The following PSME4 variants were observed in gnomAD, a reference collection of about 807,000 sequenced individuals.
PSME4 encodes proteasome activator complex subunit 4.
Under a neutral mutation model 253.9 loss-of-function variants are expected in PSME4, and 89 were observed. The ratio of observed to expected loss-of-function variants is 0.35; its 90% CI spans 0.30 to 0.42. The LOEUF (loss-of-function observed/expected upper bound fraction) is 0.42, where lower values mean the gene tolerates loss of function less well. PSME4 is among the 10% of genes least tolerant of loss of function. The pLI is 1.00. For synonymous variants in PSME4, 851 were observed against 759.2 expected, an observed-to-expected ratio of 1.12 and a Z score of -1.99; for missense variants, 2,014 against 2,195.2, an observed-to-expected ratio of 0.92 and a Z score of 1.65.
Position 53,928,237 on chromosome 2 carries a change from A to G in PSME4, c.1383T>C (p.Ile461=). 6.2e-7 allele frequency: 1 copy of G among 1,614,184 alleles called. No homozygotes were observed. The highest frequency in any genetic ancestry group is 2.2e-5 in the East Asian group (1 of 44,882). The change falls in exon 11 of 47, where the codon ATT becomes ATC. Residue 461 remains isoleucine (I), a synonymous_variant. Transcript: ENST00000404125. ...HQLTATLSCV[I]GVARSLVSGG... is the part of the protein sequence containing the mutation. ...CTGATACCAAACTGCGGGCTACTCC[A>G]ATTACACAACTTAAAGTAGCTGTGA...
At chr2:53,885,663 G>C in intron 41 of PSME4, 27 bp downstream of exon 41, 1 of 1,521,674 alleles carries the variant, frequency 6.6e-7, no homozygotes, top group Non-Finnish European at 9.1e-7. Context: ...AAAAGGAGAT[G>C]CATTCTTAAT....
rs2104404268 is a variant in PSME4, at chr2:53,864,910, C to T, written c.*668G>A. 6.5e-6 allele frequency: 1 copy of T among 152,700 alleles called. No individual in the cohort carries two copies. The highest frequency in any genetic ancestry group is 2.4e-5 in the African/African-American group (1 of 41,562). The allele number at this position is 152,700 out of a possible 1,614,324, so 9.5% of individuals were successfully genotyped here. A position where few individuals can be genotyped will look rare whatever the true frequency, so the allele number is the denominator to read the frequency against. ...TATTTTTAAAATCACACATTGAATA[C>T]ACACAACAATCAGATTTCTTCACCA... is the stretch of plus-strand genomic sequence containing the variant. On this transcript the variant is annotated 3_prime_UTR_variant, in exon 47 of 47. Transcript: ENST00000404125.
Position 53,925,571 on chromosome 2 carries a change from T to C in PSME4, c.1777A>G (p.Ile593Val), listed in dbSNP as rs572860255. The change falls in exon 14 of 47, where the codon ATC (isoleucine) becomes GTC (valine). Residue 593 changes from isoleucine (I) to valine (V), a missense_variant. By Grantham distance (29) the Ile-to-Val change is conservative (BLOSUM62 3). Around this residue, in one of 4 missense-constraint regions of PSME4, gnomAD observed 989 missense variants for 1,021.1 expected, o/e 0.97. Transcript: ENST00000404125. ...ELGLSSTFST[I>V]LTQCSKEIFM... The stretch of plus-strand genomic sequence containing the variant: ...ATTTCTTTGGAACATTGGGTGAGGA[T>C]TGTACTAAACGTAGAAGACAGACCT... 3 of 1,588,318 alleles carry C rather than the reference T, an allele frequency of 1.9e-6. No individual in the cohort carries two copies. Among genetic ancestry groups the C allele is most frequent in the South Asian group, 1.1e-5 (1 of 88,954 alleles).
At chr2:53,883,011 T>C (rs1363256896) in intron 41 of PSME4, among the ~76,000 whole-genome samples, 4 of 152,132 alleles carry the variant, frequency 2.6e-5, no homozygotes, top group African/African-American at 7.2e-5. Context: ...TATGTGCTGC[T>C]TTTATAAACT....
At chr2:53,965,045 C>T (rs771538286) in intron 1 of PSME4, among the ~76,000 whole-genome samples, 23 of 152,126 alleles carry the variant, frequency 1.5e-4, no homozygotes, top group Non-Finnish European at 2.4e-4. Flanking sequence ...CTTCATCTTA[C>T]ACCAAACCCA....
chr2:53,960,021 T>G (rs1670409821), intron 1 of PSME4, among the ~76,000 whole-genome samples: 1 of 152,222 alleles, frequency 6.6e-6, no homozygotes, highest in South Asian at 2.1e-4. Context: ...TCATTGACTT[T>G]GAAAGTTTAG....
At chr2:53,969,569 T>A (rs1276133482) in intron 1 of PSME4, among the ~76,000 whole-genome samples, 3 of 152,296 alleles carry the variant, frequency 2.0e-5, no homozygotes, top group East Asian at 3.9e-4. Context: ...CTAGATTTTA[T>A]GTACAGTTAA....
chr2:53,924,250 A>G (rs545372905), intron 14 of PSME4, among the ~76,000 whole-genome samples: 4 of 152,326 alleles, frequency 2.6e-5, no homozygotes, highest in South Asian at 4.1e-4. Flanking sequence ...TTTTTGGTTA[A>G]ATAAGAGATG....
intron 1 of PSME4, among the ~76,000 whole-genome samples, chr2:53,949,637 C>A (rs1218041956): frequency 2.6e-5 from 4 of 151,936 alleles, no homozygotes; most frequent in Non-Finnish European, 5.9e-5. Context: ...AAGTGAAATA[C>A]GCCAGTCACA....
At chr2:53,894,975 G>C in intron 34 of PSME4, 32 bp downstream of exon 34, 1 of 1,561,756 alleles carries the variant, frequency 6.4e-7, no homozygotes, top group Non-Finnish European at 8.7e-7. Context: ...AAAACAAGAT[G>C]CATTTGAACC....
chr2:53,965,100 C>G (rs986692200), intron 1 of PSME4, among the ~76,000 whole-genome samples: 1 of 151,432 alleles, frequency 6.6e-6, no homozygotes, highest in Non-Finnish European at 1.5e-5. Context: ...CACACACACA[C>G]AGACACACAC....
chr2:53,934,319 C>T (rs113805331), intron 8 of PSME4, among the ~76,000 whole-genome samples: 2 of 152,256 alleles, frequency 1.3e-5, no homozygotes, highest in Non-Finnish European at 2.9e-5. Context: ...GAAAGTCTTC[C>T]GGGCTACAAG....
In PSME4 at chr2:53,908,848, G is replaced by GA. The variant is rs530841590; in HGVS notation, c.2573-9dup. ...GGTTCTCTCGAGACAGATCTATTTT[G>GA]AAAAAATAAAAGAAGGTATTTTAGA... On this transcript the variant is annotated splice_polypyrimidine_tract_variant and intron_variant, in intron 21 of 46. Transcript: ENST00000404125. 5,060 of 1,585,682 alleles carry GA rather than the reference G, an allele frequency of 3.2e-3. 194 individuals carry two copies. The South Asian group carries it at 0.054, about 17-fold the overall frequency.
At chr2:53,894,128 A>G (rs530899208) in intron 34 of PSME4, among the ~76,000 whole-genome samples, 27 of 152,350 alleles carry the variant, frequency 1.8e-4, no homozygotes, top group African/African-American at 5.8e-4. Flanking sequence ...CCCCAAAACT[A>G]TAAGTCAAGC....
At chr2:53,898,048 GA>G (rs749812201) in intron 30 of PSME4, 49 bp from the exon 31 acceptor site, 205 of 1,410,076 alleles carry the variant, frequency 1.5e-4, no homozygotes, top group South Asian at 3.5e-4. Flanking sequence ...AAACCACTTG[GA>G]AAAAAAAAAC....
rs142023047 is a variant in PSME4, at chr2:53,954,122, G to T, written c.243-4839C>A. 5.4e-3 allele frequency among the ~76,000 whole-genome samples: 821 copies of T among 152,226 alleles called. 9 individuals carry two copies. The highest frequency in any genetic ancestry group is 0.019 in the African/African-American group (781 of 41,516). ...AGGCAGGCAGATCACGAGGTCAGGA[G>T]TTCGAGATCAGCCTGACCAACACAG... is the stretch of plus-strand genomic sequence containing the variant. On this transcript the variant is annotated intron_variant, in intron 1 of 46. Coordinates refer to ENST00000404125, the MANE Select transcript of PSME4 (RefSeq NM_014614.3).
chr2:53,959,984 G>C (rs1257012973), intron 1 of PSME4, among the ~76,000 whole-genome samples: 1 of 152,136 alleles, frequency 6.6e-6, no homozygotes, highest in Non-Finnish European at 1.5e-5. Context: ...GATTTTTTTA[G>C]CCCAATTTTC....
rs769584333 is a variant in PSME4 at position 53,910,082 on chromosome 2, A to C, written c.2565T>G (p.Leu855=). 24 of 1,605,150 alleles carry C rather than the reference A, an allele frequency of 1.5e-5. No individual in the cohort carries two copies. Among genetic ancestry groups the C allele is most frequent in the Non-Finnish European group, 2.0e-5 (23 of 1,171,960 alleles). ...AGATTAGGATTCACATACCATATTC[A>C]AGTCCAGTATACAACTTTGTCTCTT... ...SLEETKLYTG[L]EYDLSRENHR... Residue 855 remains leucine, a synonymous_variant, in exon 21 of 47, where the codon CTT becomes CTG. Coordinates refer to ENST00000404125, the MANE Select transcript of PSME4 (RefSeq NM_014614.3).
rs544431247 is a variant in PSME4, at chr2:53,877,763, T to G, written c.4816-2008A>C. ...AGTCAGAAAGATGGCTCAGAGGAGC[T>G]GACTTAAGTTTGGTCAAGGAGAGCC... On this transcript the variant is annotated intron_variant, in intron 41 of 46. Coordinates refer to ENST00000404125, the MANE Select transcript of PSME4 (RefSeq NM_014614.3). Among the ~76,000 whole-genome samples the G allele has an allele frequency of 2.0e-5, 3 of 152,304 alleles. No individual in the cohort carries two copies. The South Asian group carries it at 6.2e-4, about 32-fold the overall frequency.
Sources: gnomAD v4.1 joint callset for allele counts (sites outside exome capture counted in the v4.1 genomes callset) on GRCh38, gnomAD v4.1.1 for gene constraint, gnomAD v4.1.1 regional missense constraint, MANE v1.5 for transcripts, NCBI Gene and HGNC (gene_info 2026-07-23, HGNC 2026-07-21) for gene names.